KCNQ3: variants seen among roughly 807,000 people sequenced by gnomAD.
KCNQ3 encodes potassium voltage-gated channel subfamily KQT member 3.
In KCNQ3, 30 loss-of-function variants were observed where a neutral mutation model predicts 92.5. That is an observed-to-expected ratio of 0.32 (90% CI 0.24 to 0.44). KCNQ3 has a LOEUF of 0.44. Among genes scored for constraint, KCNQ3 ranks in the 20% least tolerant of loss-of-function variants. The probability of loss-of-function intolerance (pLI) is 1.00; values close to 1 mark genes in which losing one functional copy is unlikely to be tolerated. For missense variants in KCNQ3, 913 were observed against 1,140.3 expected (o/e 0.80, Z 2.87); for synonymous variants, 450 against 468.8 (o/e 0.96, Z 0.52).
intron 1 of KCNQ3, among the ~76,000 whole-genome samples, chr8:132,391,736 T>A (rs776868479): frequency 3.3e-5 from 5 of 152,124 alleles, no homozygotes; most frequent in Non-Finnish European, 7.4e-5. Flanking sequence ...TTCTCTTCTT[T>A]CTAACCCCCT....
intron 1 of KCNQ3, among the ~76,000 whole-genome samples, chr8:132,288,280 T>G (rs1375088388): frequency 6.6e-6 from 1 of 152,098 alleles, no homozygotes; most frequent in Non-Finnish European, 1.5e-5. Flanking sequence ...ACATGAGAGG[T>G]CTTAATCACC....
At chr8:132,331,338 C>T (rs1228168443) in intron 1 of KCNQ3, among the ~76,000 whole-genome samples, 1 of 152,210 alleles carries the variant, frequency 6.6e-6, no homozygotes, top group Non-Finnish European at 1.5e-5. Flanking sequence ...CAGAGTTAGC[C>T]TCAGTCAGGG....
In KCNQ3 at chr8:132,472,169, A is replaced by G. The variant is rs181004789; in HGVS notation, c.386+7978T>C. ...CTTACATACTGTTGGTGGGAATGTA[A>G]ATTAGTACAGCCACTATGGAAAGCA... is the stretch of plus-strand genomic sequence containing the variant. On this transcript the variant is annotated intron_variant, in intron 1 of 14. Coordinates refer to ENST00000388996, the MANE Select transcript of KCNQ3 (RefSeq NM_004519.4). Among the ~76,000 whole-genome samples, 853 of 152,300 alleles carry G rather than the reference A, an allele frequency of 5.6e-3. 16 individuals carry two copies. Among genetic ancestry groups the G allele is most frequent in the African/African-American group, 0.02 (815 of 41,568 alleles).
At chr8:132,358,540 T>C (rs910324113) in intron 1 of KCNQ3, among the ~76,000 whole-genome samples, 6 of 152,074 alleles carry the variant, frequency 3.9e-5, no homozygotes, top group African/African-American at 1.4e-4. Context: ...ATCATCAAAC[T>C]CTGATGAAGC....
chr8:132,176,751 G>C (rs1040347328), intron 4 of KCNQ3, among the ~76,000 whole-genome samples: 2 of 152,176 alleles, frequency 1.3e-5, no homozygotes, highest in African/African-American at 4.8e-5. Context: ...AATTTTTCTA[G>C]ATGTTTGCTC....
At chr8:132,189,709 C>T (rs1827099573) in intron 1 of KCNQ3, among the ~76,000 whole-genome samples, 1 of 151,632 alleles carries the variant, frequency 6.6e-6, no homozygotes, top group African/African-American at 2.4e-5. Context: ...GCCTGTAATC[C>T]CAGCTACTCG....
At chr8:132,267,021 T>C (rs976475903) in intron 1 of KCNQ3, among the ~76,000 whole-genome samples, 5 of 152,180 alleles carry the variant, frequency 3.3e-5, no homozygotes, top group African/African-American at 1.2e-4. Flanking sequence ...TTTCTCCATG[T>C]GAAAATGGGT....
At chr8:132,363,929 A>C (rs1253411826) in intron 1 of KCNQ3, among the ~76,000 whole-genome samples, 2 of 151,870 alleles carry the variant, frequency 1.3e-5, no homozygotes, top group African/African-American at 4.8e-5. Context: ...TCTCTCAACA[A>C]ATCTAAACTC....
intron 1 of KCNQ3, among the ~76,000 whole-genome samples, chr8:132,330,432 T>A (rs1586932384): frequency 6.6e-6 from 1 of 152,174 alleles, no homozygotes; most frequent in Non-Finnish European, 1.5e-5. Flanking sequence ...AGGGGATCTA[T>A]CTCTCTCCTG....
intron 1 of KCNQ3, among the ~76,000 whole-genome samples, chr8:132,306,943 C>A (rs960758989): frequency 3.9e-5 from 6 of 152,124 alleles, no homozygotes; most frequent in African/African-American, 1.4e-4. Context: ...AGACAGAATA[C>A]AAAGTGACTC....
chr8:132,127,582 G>T lies in KCNQ3; in HGVS notation c.*1680C>A, dbSNP rs1277544940. ...TGGCTCTTGACAAGACTGTGAGGGA[G>T]AATAGCAGTGTCAGCTGCATACAGA... is the stretch of plus-strand genomic sequence containing the variant. On this transcript the variant is annotated 3_prime_UTR_variant, in exon 15 of 15. Transcript: ENST00000388996. 1 of 152,222 alleles carries T rather than the reference G, an allele frequency of 6.6e-6. No individual in the cohort carries two copies. The highest frequency in any genetic ancestry group is 6.5e-5 in the Admixed American group (1 of 15,286). 9.4% of individuals were successfully genotyped at this position (152,222 alleles called of 1,614,324 possible).
intron 1 of KCNQ3, among the ~76,000 whole-genome samples, chr8:132,371,418 T>A (rs2130738324): frequency 1.3e-5 from 2 of 152,322 alleles, no homozygotes; most frequent in South Asian, 4.1e-4. Context: ...AGAGTCTGCC[T>A]ACTGCGGTTG....
intron 1 of KCNQ3, among the ~76,000 whole-genome samples, chr8:132,389,032 A>G (rs937736267): frequency 6.6e-6 from 1 of 152,246 alleles, no homozygotes; most frequent in Non-Finnish European, 1.5e-5. Flanking sequence ...CACCATATAC[A>G]AAAATAAATT....
chr8:132,169,143 TG>T (rs1253171472), intron 8 of KCNQ3, among the ~76,000 whole-genome samples: 2 of 152,208 alleles, frequency 1.3e-5, no homozygotes, highest in Non-Finnish European at 2.9e-5. Flanking sequence ...GAAAGTAGCC[TG>T]GGAGTTTAAA....
chr8:132,328,997 C>T (rs533366389), intron 1 of KCNQ3, among the ~76,000 whole-genome samples: 8 of 152,296 alleles, frequency 5.3e-5, no homozygotes, highest in South Asian at 2.1e-4. Flanking sequence ...TTTACTATCA[C>T]GTTCAGCAGG....
chr8:132,140,225 A>C, intron 10 of KCNQ3, 47 bp from the exon 11 acceptor site: 1 of 1,420,450 alleles, frequency 7.0e-7, no homozygotes, highest in South Asian at 1.2e-5. Flanking sequence ...GACCTGGAAA[A>C]GGCTTGGGGA....
chr8:132,374,471 CTGCCCCCCGCT>C (rs1324833154), intron 1 of KCNQ3, among the ~76,000 whole-genome samples: 1 of 152,206 alleles, frequency 6.6e-6, no homozygotes, highest in East Asian at 1.9e-4. Context: ...TGGCCCAGTA[CTGCCCCCCGCT>C]GGCACTTGCG....
Position 132,303,565 on chromosome 8 carries a change from G to GATATATATATATATCACCATAT in KCNQ3, c.387-117385_387-117384insATATGGTGATATATATATATAT, listed in dbSNP as rs781058299. 3.8e-4 allele frequency among the ~76,000 whole-genome samples: 16 copies of GATATATATATATATCACCATAT among 42,572 alleles called. 4 individuals are homozygous for GATATATATATATATCACCATAT. Among genetic ancestry groups the GATATATATATATATCACCATAT allele is most frequent in the Non-Finnish European group, 5.1e-4 (12 of 23,386 alleles). 27.9% of individuals were successfully genotyped at this position (42,572 alleles called of 152,430 possible). Reference sequence around the variant, plus strand: ...ACTTGTGATCAGATAAAGAAAATGTGATATATATATATATGGTGTGTGTGT... The same window carrying GATATATATATATATCACCATAT: ...ACTTGTGATCAGATAAAGAAAATGTGATATATATATATATCACCATATATATATATATATATGGTGTGTGTGT... On this transcript the variant is annotated intron_variant, in intron 1 of 14. Coordinates refer to ENST00000388996, the MANE Select transcript of KCNQ3 (RefSeq NM_004519.4).
chr8:132,449,358 G>A (rs1821767871), intron 1 of KCNQ3, among the ~76,000 whole-genome samples: 1 of 151,938 alleles, frequency 6.6e-6, no homozygotes, highest in Admixed American at 6.5e-5. Context: ...GGATTACAGT[G>A]TTCACTGTAG....
Sources: allele counts gnomAD v4.1 joint callset (sites outside exome capture counted in the v4.1 genomes callset), GRCh38; gene constraint gnomAD v4.1.1; transcripts MANE v1.5; gene names NCBI Gene and HGNC (gene_info 2026-07-23, HGNC 2026-07-21).